The following LSAMP variants were observed in gnomAD, a reference collection of about 807,000 sequenced individuals.
LSAMP encodes limbic system associated membrane protein, also known as limbic system-associated membrane protein.
A neutral mutation model predicts 38.6 loss-of-function variants in LSAMP; 7 were observed. The ratio of observed to expected loss-of-function variants is 0.18; its 90% CI spans 0.10 to 0.34. The LOEUF (loss-of-function observed/expected upper bound fraction) is 0.34, where lower values mean the gene tolerates loss of function less well. Among genes scored for constraint, LSAMP ranks in the 10% least tolerant of loss-of-function variants. The pLI is 1.00. For missense variants in LSAMP, 313 were observed against 420.0 expected (o/e 0.75, Z 2.23); for synonymous variants, 154 against 166.8 (o/e 0.92, Z 0.59).
chr3:115,939,585 T>TTTCTTTCTTTCTCTTTC (rs58450242), intron 3 of LSAMP, among the ~76,000 whole-genome samples: 1 of 150,206 alleles, frequency 6.7e-6, no homozygotes, highest in African/African-American at 2.5e-5. Context: ...TCTTTCTTTC[T>TTTCTTTCTTTCTCTTTC]GTTAAGAGAC....
intron 1 of LSAMP, among the ~76,000 whole-genome samples, chr3:116,232,699 C>CTTTTCTTT (rs1553715829): frequency 1.0e-5 from 1 of 99,448 alleles, no homozygotes; most frequent in Non-Finnish European, 2.1e-5. Flanking sequence ...TTCTTTCTTT[C>CTTTTCTTT]TTTTTTTTTT....
intron 1 of LSAMP, among the ~76,000 whole-genome samples, chr3:116,237,619 A>G (rs886119155): frequency 7.2e-5 from 11 of 152,098 alleles, no homozygotes; most frequent in Admixed American, 7.2e-4. Context: ...CAATTCATTT[A>G]ATACTTTTAC....
Position 116,126,045 on chromosome 3 carries a change from T to C in LSAMP, c.156-39489A>G, listed in dbSNP as rs115440627. Among the ~76,000 whole-genome samples the C allele has an allele frequency of 6.5e-3, 988 of 152,336 alleles. 12 individuals carry two copies. Among genetic ancestry groups the C allele is most frequent in the African/African-American group, 0.023 (939 of 41,580 alleles). ...TGGATTCTTCTGCAGCCCTCAAGAA[T>C]GAAGGGAAAGGTTTTTACTTTGGAA... is the stretch of plus-strand genomic sequence containing the variant. On this transcript the variant is annotated intron_variant, in intron 1 of 6. Transcript: ENST00000490035.
intron 1 of LSAMP, among the ~76,000 whole-genome samples, chr3:116,155,209 G>T (rs1490900626): frequency 2.6e-5 from 4 of 151,758 alleles, no homozygotes; most frequent in African/African-American, 9.7e-5. Flanking sequence ...CAGGTATTGA[G>T]GTCTGTTTTT....
intron 2 of LSAMP, among the ~76,000 whole-genome samples, chr3:116,059,783 A>G (rs910994577): frequency 2.6e-5 from 4 of 152,238 alleles, no homozygotes; most frequent in African/African-American, 7.2e-5. Context: ...ATGAAAAATC[A>G]CCTGAACGCT....
At chr3:116,427,764 CAT>C (rs981513458) in intron 1 of LSAMP, among the ~76,000 whole-genome samples, 6 of 152,104 alleles carry the variant, frequency 3.9e-5, no homozygotes, top group African/African-American at 1.2e-4. Context: ...ATTTAATCCT[CAT>C]AGAATTTCCA....
chr3:115,896,029 A>T (rs549161511), intron 3 of LSAMP, among the ~76,000 whole-genome samples: 1 of 152,244 alleles, frequency 6.6e-6, no homozygotes, highest in South Asian at 2.1e-4. Context: ...GCTATTTGCC[A>T]TTTCACTAAA....
intron 1 of LSAMP, among the ~76,000 whole-genome samples, chr3:116,087,801 G>A (rs1708024246): frequency 1.3e-5 from 2 of 152,004 alleles, no homozygotes; most frequent in Non-Finnish European, 2.9e-5. Flanking sequence ...AAAGATAACA[G>A]CTAAGTCTTT....
chr3:116,283,167 A>AAAAGT (rs199643479), intron 1 of LSAMP, among the ~76,000 whole-genome samples: 5,477 of 152,038 alleles, frequency 0.036, 128 homozygotes, highest in Middle Eastern at 0.068. Context: ...AATGATTTAG[A>AAAAGT]AAAGTAAAGA....
chr3:116,416,423 C>G (rs551401896), intron 1 of LSAMP, among the ~76,000 whole-genome samples: 1 of 152,232 alleles, frequency 6.6e-6, no homozygotes, highest in East Asian at 1.9e-4. Flanking sequence ...TAAGATACTA[C>G]ATTTGGGAGG....
At chr3:116,170,315 A>G in intron 1 of LSAMP, among the ~76,000 whole-genome samples, 1 of 152,108 alleles carries the variant, frequency 6.6e-6, no homozygotes, top group East Asian at 1.9e-4. Context: ...TATTTAATCT[A>G]ATTGCTTAGT....
At chr3:116,310,321 G>A (rs958028285) in intron 1 of LSAMP, among the ~76,000 whole-genome samples, 1 of 152,186 alleles carries the variant, frequency 6.6e-6, no homozygotes, top group Non-Finnish European at 1.5e-5. Context: ...CCTTGCAGCA[G>A]CAGGTGAGAG....
intron 1 of LSAMP, among the ~76,000 whole-genome samples, chr3:116,383,050 A>T (rs2048581901): frequency 6.6e-6 from 1 of 152,142 alleles, no homozygotes. Flanking sequence ...TTGTAAACTG[A>T]GATAAAAAGG....
At chr3:115,928,973 G>GGTT (rs747099546) in intron 3 of LSAMP, among the ~76,000 whole-genome samples, 2 of 109,928 alleles carry the variant, frequency 1.8e-5, no homozygotes, top group African/African-American at 7.1e-5. Flanking sequence ...TTTTTTGTTT[G>GGTT]TTTTTTTTTT....
At chr3:116,316,773 A>C (rs1201046212) in intron 1 of LSAMP, among the ~76,000 whole-genome samples, 1 of 121,370 alleles carries the variant, frequency 8.2e-6, no homozygotes, top group Non-Finnish European at 1.8e-5. Context: ...TCCATCTCAA[A>C]AAAAGAAAAA....
At chr3:116,126,411 A>C (rs1219307716) in intron 1 of LSAMP, among the ~76,000 whole-genome samples, 2 of 152,252 alleles carry the variant, frequency 1.3e-5, no homozygotes, top group African/African-American at 4.8e-5. Context: ...CTTGGAAATA[A>C]GGAGTGTTGA....
intron 3 of LSAMP, among the ~76,000 whole-genome samples, chr3:116,008,483 T>G (rs2107671518): frequency 6.6e-6 from 1 of 152,286 alleles, no homozygotes; most frequent in African/African-American, 2.4e-5. Context: ...TTGTCTACAT[T>G]TTGCAGATAA....
At chr3:115,988,656 T>A (rs753451901) in intron 3 of LSAMP, among the ~76,000 whole-genome samples, 7 of 152,242 alleles carry the variant, frequency 4.6e-5, no homozygotes, top group Non-Finnish European at 7.4e-5. Flanking sequence ...TAGACTGGAC[T>A]AATGTTGAAA....
At chr3:116,326,764 AAT>A (rs150822021) in intron 1 of LSAMP, among the ~76,000 whole-genome samples, 118 of 152,286 alleles carry the variant, frequency 7.7e-4, no homozygotes, top group African/African-American at 2.7e-3. Context: ...GCACTGAAAG[AAT>A]ATTAATTCTT....
Sources: gnomAD v4.1 joint callset for allele counts (sites outside exome capture counted in the v4.1 genomes callset) on GRCh38, gnomAD v4.1.1 for gene constraint, MANE v1.5 for transcripts, NCBI Gene and HGNC (gene_info 2026-07-23, HGNC 2026-07-21) for gene names.